The following TNKS variants were observed in gnomAD, a reference collection of about 807,000 sequenced individuals.
TNKS encodes poly [ADP-ribose] polymerase tankyrase-1.
A neutral mutation model predicts 135.8 loss-of-function variants in TNKS; 72 were observed. The ratio of observed to expected loss-of-function variants is 0.53; its 90% CI spans 0.44 to 0.64. The LOEUF (loss-of-function observed/expected upper bound fraction) is 0.64, where lower values mean the gene tolerates loss of function less well. Ranked by LOEUF, TNKS falls within the 30% of genes least tolerant of loss-of-function variation. TNKS has a pLI of 0.00. For synonymous variants in TNKS, 849 were observed against 649.3 expected (o/e 1.31, Z -4.68); for missense variants, 1,769 against 1,674.0 (o/e 1.06, Z -0.99).
At chr8:9,659,996 A>G (rs1801617748) in intron 3 of TNKS, among the ~76,000 whole-genome samples, 1 of 152,348 alleles carries the variant, frequency 6.6e-6, no homozygotes, top group Admixed American at 6.5e-5. Flanking sequence ...GAAGAAATGG[A>G]TAAATTCCTC....
intron 17 of TNKS, among the ~76,000 whole-genome samples, chr8:9,744,574 A>G (rs1806139204): frequency 6.6e-6 from 1 of 152,200 alleles, no homozygotes; most frequent in Admixed American, 6.5e-5. Context: ...TTCTGAAACT[A>G]GGTTAAATTG....
intron 1 of TNKS, among the ~76,000 whole-genome samples, chr8:9,571,174 T>G (rs1229428642): frequency 6.6e-6 from 1 of 152,164 alleles, no homozygotes; most frequent in African/African-American, 2.4e-5. Flanking sequence ...TTAAGGAAGC[T>G]ACACCAAAAA....
At chr8:9,632,653 A>C (rs1800337143) in intron 3 of TNKS, among the ~76,000 whole-genome samples, 1 of 152,260 alleles carries the variant, frequency 6.6e-6, no homozygotes, top group South Asian at 2.1e-4. Context: ...CTACAGGTGC[A>C]TTTCAATATC....
At chr8:9,579,590 TC>T (rs1798091524) in intron 1 of TNKS, among the ~76,000 whole-genome samples, 2 of 152,196 alleles carry the variant, frequency 1.3e-5, no homozygotes, top group Middle Eastern at 3.2e-3. Context: ...TGCCTCAGCC[TC>T]CCAAGTAGGT....
At chr8:9,669,932 T>C (rs967649046) in intron 3 of TNKS, among the ~76,000 whole-genome samples, 1 of 152,200 alleles carries the variant, frequency 6.6e-6, no homozygotes, top group Non-Finnish European at 1.5e-5. Flanking sequence ...TGAGATATAA[T>C]GTCTAGAAAA....
chr8:9,669,617 A>G (rs988580308), intron 3 of TNKS, among the ~76,000 whole-genome samples: 2 of 152,192 alleles, frequency 1.3e-5, no homozygotes, highest in African/African-American at 4.8e-5. Context: ...TTTGTCCAAT[A>G]ATCTTTCTGA....
chr8:9,615,968 T>A (rs549992345), intron 3 of TNKS, among the ~76,000 whole-genome samples: 1 of 152,210 alleles, frequency 6.6e-6, no homozygotes, highest in Non-Finnish European at 1.5e-5. Context: ...CTGTATCTCA[T>A]CCTCTCAGTT....
At chr8:9,675,239 A>G (rs1161316181) in intron 3 of TNKS, among the ~76,000 whole-genome samples, 2 of 152,190 alleles carry the variant, frequency 1.3e-5, no homozygotes, top group Non-Finnish European at 2.9e-5. Context: ...TATAACCTAA[A>G]TTAATATTTT....
chr8:9,579,751 C>T (rs890321315), intron 1 of TNKS, among the ~76,000 whole-genome samples: 4 of 152,182 alleles, frequency 2.6e-5, no homozygotes, highest in South Asian at 2.1e-4. Flanking sequence ...GGGTGTGAGC[C>T]ACTGCGCCCG....
At chr8:9,584,532 G>A (rs138468387) in intron 2 of TNKS, among the ~76,000 whole-genome samples, 2 of 152,266 alleles carry the variant, frequency 1.3e-5, no homozygotes, top group East Asian at 3.9e-4. Flanking sequence ...TAGCTCTACA[G>A]CTTCTTATGT....
At chr8:9,605,062 A>G (rs960350867) in intron 2 of TNKS, among the ~76,000 whole-genome samples, 7 of 152,108 alleles carry the variant, frequency 4.6e-5, no homozygotes, top group Non-Finnish European at 8.8e-5. Flanking sequence ...TATTTTGAGT[A>G]TACATTTTAA....
chr8:9,666,335 G>C (rs977584408), intron 3 of TNKS, among the ~76,000 whole-genome samples: 6 of 152,172 alleles, frequency 3.9e-5, no homozygotes, highest in African/African-American at 1.4e-4. Context: ...ATTTCTACTG[G>C]ACAGCACTTT....
At chr8:9,671,888 AT>A (rs1207504010) in intron 3 of TNKS, among the ~76,000 whole-genome samples, 4 of 152,202 alleles carry the variant, frequency 2.6e-5, no homozygotes, top group Non-Finnish European at 5.9e-5. Context: ...GAAATAAACA[AT>A]TTATAAGTTT....
At chr8:9,606,880 G>A (rs1006765510) in intron 2 of TNKS, among the ~76,000 whole-genome samples, 1 of 152,056 alleles carries the variant, frequency 6.6e-6, no homozygotes, top group South Asian at 2.1e-4. Flanking sequence ...TGGAGGTTTG[G>A]TTTTAAGCTT....
intron 3 of TNKS, among the ~76,000 whole-genome samples, chr8:9,616,187 C>G (rs759117711): frequency 6.6e-6 from 1 of 152,014 alleles, no homozygotes; most frequent in Non-Finnish European, 1.5e-5. Context: ...TTAACTGAGG[C>G]GTTTATTATC....
At chr8:9,617,183 A>T (rs993047308) in intron 3 of TNKS, among the ~76,000 whole-genome samples, 1 of 152,252 alleles carries the variant, frequency 6.6e-6, no homozygotes. Context: ...CTAATTTGTA[A>T]TGAATTTCAG....
intron 24 of TNKS, among the ~76,000 whole-genome samples, 170 bp downstream of exon 24, chr8:9,765,967 A>G (rs1450115952): frequency 6.6e-6 from 1 of 152,220 alleles, no homozygotes; most frequent in Non-Finnish European, 1.5e-5. Context: ...TGTATCACAC[A>G]TCAGTACAGA....
At chr8:9,576,342 G>A (rs1490818142) in intron 1 of TNKS, among the ~76,000 whole-genome samples, 1 of 152,100 alleles carries the variant, frequency 6.6e-6, no homozygotes, top group African/African-American at 2.4e-5. Context: ...TCTGCAGGCT[G>A]TACAGGAAAC....
chr8:9,761,792 C>T (rs1053621579), intron 21 of TNKS, among the ~76,000 whole-genome samples, 156 bp downstream of exon 21: 2 of 152,144 alleles, frequency 1.3e-5, no homozygotes, highest in African/African-American at 4.8e-5. Context: ...GCCTCATGCT[C>T]CCTCTAGCTG....
Sources: allele counts gnomAD v4.1 joint callset (sites outside exome capture counted in the v4.1 genomes callset), GRCh38; gene constraint gnomAD v4.1.1; transcripts MANE v1.5; gene names NCBI Gene and HGNC (gene_info 2026-07-23, HGNC 2026-07-21).